WDR7: variants seen among roughly 807,000 people sequenced by gnomAD.
WDR7 encodes WD repeat domain 7.
In WDR7, 46 loss-of-function variants were observed where a neutral mutation model predicts 169.4. That is an observed-to-expected ratio of 0.27 (90% CI 0.21 to 0.35). WDR7 has a LOEUF of 0.35. Ranked by LOEUF, WDR7 falls within the 10% of genes least tolerant of loss-of-function variation. The pLI is 1.00. For missense variants in WDR7, 1,534 were observed against 1,859.3 expected (o/e 0.83, Z 3.22); for synonymous variants, 612 against 666.8 (o/e 0.92, Z 1.27).
chr18:56,867,169 C>A lies in WDR7; in HGVS notation c.3305-12775C>A, dbSNP rs1489174677. The stretch of plus-strand genomic sequence containing the variant: ...CCTCCTGAGCAGCTGAGACTGCAGG[C>A]ACTCACCACCACACCTGGCTAATTT... On this transcript the variant is annotated intron_variant, in intron 20 of 27. Coordinates refer to ENST00000254442, the MANE Select transcript of WDR7 (RefSeq NM_015285.3). 2.6e-5 allele frequency among the ~76,000 whole-genome samples: 4 copies of A among 152,058 alleles called. No homozygotes were observed. In the East Asian group the frequency reaches 7.7e-4, roughly 29 times the overall value.
At chr18:57,005,244 AAATG>A (rs1454500314) in intron 26 of WDR7, among the ~76,000 whole-genome samples, 1 of 152,188 alleles carries the variant, frequency 6.6e-6, no homozygotes, top group Non-Finnish European at 1.5e-5. Context: ...AAAAGCAACT[AAATG>A]TATGTTAAAT....
chr18:56,957,148 T>C (rs751530634), intron 25 of WDR7: 1 of 152,122 alleles, frequency 6.6e-6, no homozygotes, highest in Non-Finnish European at 1.5e-5. Context: ...ACAATGCAGA[T>C]GTGAGCAAGA....
intron 20 of WDR7, among the ~76,000 whole-genome samples, chr18:56,843,857 C>CTTTTTTTTTTTTTT (rs776575088): frequency 3.7e-5 from 5 of 134,330 alleles, no homozygotes; most frequent in Non-Finnish European, 4.7e-5. Context: ...TTTTTTCTTT[C>CTTTTTTTTTTTTTT]TTTTTTTTTT....
intron 21 of WDR7, among the ~76,000 whole-genome samples, chr18:56,888,192 C>G (rs1542006): frequency 0.05 from 7,566 of 152,254 alleles, 228 homozygotes; most frequent in Middle Eastern, 0.12. Flanking sequence ...ATGCGTAATT[C>G]AAAAGCCATA....
At chr18:56,816,818 T>C (rs879713619) in intron 20 of WDR7, among the ~76,000 whole-genome samples, 11 of 152,194 alleles carry the variant, frequency 7.2e-5, no homozygotes, top group Non-Finnish European at 1.5e-4. Context: ...AATACTTACA[T>C]TGGTATTAAG....
chr18:56,664,851 A>T (rs1485944978), intron 1 of WDR7, among the ~76,000 whole-genome samples: 2 of 152,220 alleles, frequency 1.3e-5, no homozygotes, highest in Non-Finnish European at 2.9e-5. Flanking sequence ...TAGTAGTAGG[A>T]GTAGTAAATC....
intron 14 of WDR7, among the ~76,000 whole-genome samples, chr18:56,733,945 T>C (rs1016648880): frequency 1.3e-5 from 2 of 152,162 alleles, no homozygotes; most frequent in African/African-American, 4.8e-5. Flanking sequence ...TAACTATGTG[T>C]TGAATTGGAT....
intron 12 of WDR7, among the ~76,000 whole-genome samples, chr18:56,698,560 T>C (rs980564567): frequency 6.6e-6 from 1 of 150,430 alleles, no homozygotes; most frequent in African/African-American, 2.4e-5. Context: ...GAGCTGAGAT[T>C]GCACCACTGC....
chr18:56,714,222 T>C (rs2026143486), intron 12 of WDR7, among the ~76,000 whole-genome samples: 2 of 152,152 alleles, frequency 1.3e-5, no homozygotes, highest in South Asian at 4.1e-4. Flanking sequence ...ATTAGATTTA[T>C]TTTAATCCAT....
intron 14 of WDR7, among the ~76,000 whole-genome samples, chr18:56,743,605 C>G (rs2043653545): frequency 6.6e-6 from 1 of 152,026 alleles, no homozygotes; most frequent in African/African-American, 2.4e-5. Flanking sequence ...ACTGTCTTCC[C>G]AGGATGTTGG....
intron 20 of WDR7, among the ~76,000 whole-genome samples, chr18:56,833,782 A>G (rs774201633): frequency 6.6e-6 from 1 of 152,170 alleles, no homozygotes; most frequent in South Asian, 2.1e-4. Flanking sequence ...CGTCTCAAAG[A>G]ATCCTTCATA....
intron 26 of WDR7, among the ~76,000 whole-genome samples, chr18:57,005,715 G>A (rs75144296): frequency 0.04 from 6,038 of 152,148 alleles, 136 homozygotes; most frequent in Non-Finnish European, 0.053. Context: ...TAAATCAGGG[G>A]TGTCTTAATC....
intron 20 of WDR7, among the ~76,000 whole-genome samples, chr18:56,855,597 A>G (rs906656008): frequency 6.6e-6 from 1 of 152,070 alleles, no homozygotes; most frequent in African/African-American, 2.4e-5. Flanking sequence ...ATAAATAAAC[A>G]TTTCTTCATG....
intron 12 of WDR7, among the ~76,000 whole-genome samples, chr18:56,717,675 C>T (rs1172245520): frequency 6.6e-6 from 1 of 152,128 alleles, no homozygotes; most frequent in Non-Finnish European, 1.5e-5. Context: ...TTGCCTGCTC[C>T]AATATAGCAA....
chr18:56,982,668 G>A (rs2047663445), intron 26 of WDR7, among the ~76,000 whole-genome samples: 1 of 152,030 alleles, frequency 6.6e-6, no homozygotes, highest in Non-Finnish European at 1.5e-5. Context: ...GTGGTTATGG[G>A]ACTTAAAAAA....
chr18:57,009,747 G>A, intron 26 of WDR7: 1 of 649,634 alleles, frequency 1.5e-6, no homozygotes, highest in Non-Finnish European at 1.9e-6. Flanking sequence ...TTTTCAGAAT[G>A]GTGAAAATGT....
chr18:56,811,272 T>A (rs1156667668), intron 19 of WDR7, among the ~76,000 whole-genome samples: 1 of 151,816 alleles, frequency 6.6e-6, no homozygotes, highest in African/African-American at 2.4e-5. Flanking sequence ...ACATATGTTT[T>A]CATTCGCTAG....
intron 25 of WDR7, among the ~76,000 whole-genome samples, chr18:56,944,751 C>T (rs1031967440): frequency 2.0e-5 from 3 of 152,124 alleles, no homozygotes; most frequent in African/African-American, 4.8e-5. Context: ...GACTGAATCT[C>T]GCTTGTTGAT....
intron 20 of WDR7, among the ~76,000 whole-genome samples, chr18:56,824,161 G>T (rs867380077): frequency 6.6e-6 from 1 of 152,122 alleles, no homozygotes; most frequent in Non-Finnish European, 1.5e-5. Context: ...CTTTGCATGT[G>T]CCCCTCCATC....
Sources: allele counts gnomAD v4.1 joint callset (sites outside exome capture counted in the v4.1 genomes callset), GRCh38; gene constraint gnomAD v4.1.1; transcripts MANE v1.5; gene names NCBI Gene and HGNC (gene_info 2026-07-23, HGNC 2026-07-21).